Variants in CTNNA2 observed in about 807,000 individuals in gnomAD.
CTNNA2 encodes the protein catenin alpha 2.
A neutral mutation model predicts 101.0 loss-of-function variants in CTNNA2; 42 were observed. The ratio of observed to expected loss-of-function variants is 0.42; its 90% CI spans 0.32 to 0.54. The LOEUF (loss-of-function observed/expected upper bound fraction) is 0.54, where lower values mean the gene tolerates loss of function less well. Ranked by LOEUF, CTNNA2 falls within the 20% of genes least tolerant of loss-of-function variation. The pLI is 0.14. For synonymous variants in CTNNA2, 450 were observed against 456.4 expected, an observed-to-expected ratio of 0.99 and a Z score of 0.18; for missense variants, 871 against 1,223.1, an observed-to-expected ratio of 0.71 and a Z score of 4.29.
intron 3 of CTNNA2, among the ~76,000 whole-genome samples, chr2:79,846,023 C>T (rs1438059338): frequency 1.3e-5 from 2 of 152,150 alleles, no homozygotes; most frequent in Admixed American, 6.5e-5. Context: ...AAGGCTATGC[C>T]ATTTAAATCC....
intron 7 of CTNNA2, among the ~76,000 whole-genome samples, chr2:80,086,091 A>G (rs1175648537): frequency 6.6e-6 from 1 of 152,110 alleles, no homozygotes; most frequent in Non-Finnish European, 1.5e-5. Flanking sequence ...AAGTAATAGA[A>G]GACAATAAGG....
rs138151044 is a variant in CTNNA2, at chr2:79,447,889, G to C, written c.-134-57165G>C. 9.2e-5 allele frequency among the ~76,000 whole-genome samples: 14 copies of C among 152,114 alleles called. No homozygotes were observed. In the East Asian group the frequency reaches 2.3e-3, roughly 25 times the overall value. On this transcript the variant is annotated intron_variant, in intron 4 of 21. Transcript: ENST00000466387. ...TGGCTGCATTGATCTAACTGGAGGA[G>C]GGGCAAGAAGTTAAATATCAGTCCC...
At chr2:80,492,172 G>T (rs1367759504) in intron 9 of CTNNA2, among the ~76,000 whole-genome samples, 1 of 152,182 alleles carries the variant, frequency 6.6e-6, no homozygotes, top group Non-Finnish European at 1.5e-5. Context: ...GTGATATTGA[G>T]TGTATTCTCA....
In CTNNA2 at chr2:79,742,104, C is replaced by T. The variant is rs952110782; in HGVS notation, c.103-2283C>T. 7.9e-5 allele frequency among the ~76,000 whole-genome samples: 12 copies of T among 151,982 alleles called. No homozygotes were observed. The South Asian group carries it at 8.3e-4, about 11-fold the overall frequency. On this transcript the variant is annotated intron_variant, in intron 2 of 18. Coordinates refer to ENST00000402739, the MANE Select transcript of CTNNA2 (RefSeq NM_001282597.3). ...CCTGGTAATGTTCCATGTTTTTCTT[C>T]CCCCCCACAAAACTGACATTTTCTA...
chr2:79,603,607 A>G (rs929537096), intron 1 of CTNNA2, among the ~76,000 whole-genome samples: 2 of 152,210 alleles, frequency 1.3e-5, no homozygotes, highest in South Asian at 2.1e-4. Context: ...AGAACAGGCA[A>G]CTGTCATAGG....
intron 3 of CTNNA2, 79 bp downstream of exon 3, chr2:79,744,661 T>A: frequency 7.6e-7 from 1 of 1,321,238 alleles, no homozygotes; most frequent in Non-Finnish European, 1.0e-6. Context: ...AATCAATGGA[T>A]ATTTACTCAA....
chr2:80,350,803 G>A (rs1161927831), intron 7 of CTNNA2, among the ~76,000 whole-genome samples: 2 of 152,080 alleles, frequency 1.3e-5, no homozygotes, highest in Non-Finnish European at 2.9e-5. Flanking sequence ...ATGAATCGAG[G>A]AATTTGAGAT....
chr2:79,375,802 A>G (rs987318), intron 4 of CTNNA2, among the ~76,000 whole-genome samples: 120,677 of 152,068 alleles, frequency 0.79, 48,150 homozygotes, highest in African/African-American at 0.85. Context: ...CAAAGCCTAC[A>G]ATTTCTTTCA....
chr2:80,317,117 G>T (rs1678205418), intron 7 of CTNNA2, among the ~76,000 whole-genome samples: 1 of 152,104 alleles, frequency 6.6e-6, no homozygotes, highest in Admixed American at 6.5e-5. Context: ...AACCAGACCT[G>T]GTCCAAGAGA....
In CTNNA2 at chr2:79,568,327, C is replaced by T. The variant is rs114503243; in HGVS notation, c.-6+55120C>T. ...TTTATAAAAGTACCTTCAGCCTGGG[C>T]ATGGTGGCTCACACCTGTAATCCCA... On this transcript the variant is annotated intron_variant, in intron 1 of 18. Transcript: ENST00000402739. Among the ~76,000 whole-genome samples the T allele has an allele frequency of 5.9e-3, 898 of 152,280 alleles. 1 individual carries two copies. Among genetic ancestry groups the T allele is most frequent in the African/African-American group, 0.02 (847 of 41,568 alleles).
intron 9 of CTNNA2, among the ~76,000 whole-genome samples, chr2:80,508,129 C>G (rs1043098536): frequency 2.6e-5 from 4 of 152,130 alleles, no homozygotes; most frequent in African/African-American, 7.2e-5. Context: ...TTTACACTTG[C>G]TGGTTAAATG....
In CTNNA2 at chr2:80,398,921, A is replaced by G. The variant is rs750415227; in HGVS notation, c.1137+5630A>G. 7.9e-5 allele frequency among the ~76,000 whole-genome samples: 12 copies of G among 151,602 alleles called. No homozygotes were observed. The South Asian group carries it at 1.3e-3, about 16-fold the overall frequency. On this transcript the variant is annotated intron_variant, in intron 8 of 18. Transcript: ENST00000402739. ...GAAACACCAAAAATTAGAATCAAAAATACCAGGAGGAGCGGAGCAGAGTAG... is the reference window on the plus strand; with the variant it reads ...GAAACACCAAAAATTAGAATCAAAAGTACCAGGAGGAGCGGAGCAGAGTAG...
chr2:80,367,697 A>G (rs946606668), intron 7 of CTNNA2, among the ~76,000 whole-genome samples: 1 of 151,992 alleles, frequency 6.6e-6, no homozygotes, highest in Non-Finnish European at 1.5e-5. Context: ...TAATGGTGTG[A>G]AAAAAATGTT....
At position 79,527,815 on chromosome 2, in the gene CTNNA2, G is replaced by A. The variant is rs545879960; in HGVS notation, c.-6+14608G>A. 2.3e-3 allele frequency among the ~76,000 whole-genome samples: 351 copies of A among 152,262 alleles called. 2 individuals are homozygous for A. The highest frequency in any genetic ancestry group is 6.4e-3 in the Admixed American group (97 of 15,272). On this transcript the variant is annotated intron_variant, in intron 1 of 18. Coordinates refer to ENST00000402739, the MANE Select transcript of CTNNA2 (RefSeq NM_001282597.3). ...TGACCCAACAATTCTATTCTTAGAT[G>A]TGTATTAAGGAGCTGCAAAAACATA...
chr2:80,303,970 C>A lies in CTNNA2; in HGVS notation c.1057-89241C>A. On this transcript the variant is annotated intron_variant, in intron 7 of 18. Coordinates refer to ENST00000402739, the MANE Select transcript of CTNNA2 (RefSeq NM_001282597.3). The surrounding 1 kb of genome is among the most constrained non-coding windows in gnomAD (Gnocchi z 7.7). Reference sequence around the variant, plus strand: ...AAATACATAGAAATAAAGAAGGACCCCCCTCCCCAAAAACCACACGTTCAC... The same window carrying A: ...AAATACATAGAAATAAAGAAGGACCACCCTCCCCAAAAACCACACGTTCAC... 1 of 924,182 alleles carries A rather than the reference C, an allele frequency of 1.1e-6. No individual in the cohort carries two copies. The highest frequency in any genetic ancestry group is 1.5e-6 in the Non-Finnish European group (1 of 656,280). 57.2% of individuals were successfully genotyped at this position (924,182 alleles called of 1,614,324 possible). A position where few individuals can be genotyped will look rare whatever the true frequency, so the allele number is the denominator to read the frequency against.
intron 4 of CTNNA2, among the ~76,000 whole-genome samples, chr2:79,436,571 G>GTTCT (rs1678716885): frequency 6.6e-6 from 1 of 152,018 alleles, no homozygotes; most frequent in Non-Finnish European, 1.5e-5. Flanking sequence ...TCCTCATGAG[G>GTTCT]TTCTAATGTG....
At chr2:79,844,290 A>G (rs932325401) in intron 3 of CTNNA2, among the ~76,000 whole-genome samples, 1 of 152,224 alleles carries the variant, frequency 6.6e-6, no homozygotes, top group Non-Finnish European at 1.5e-5. Flanking sequence ...CTGAAAATAC[A>G]GGAAAAATTG....
intron 1 of CTNNA2, among the ~76,000 whole-genome samples, chr2:79,579,412 A>G (rs1490512411): frequency 1.3e-5 from 2 of 152,104 alleles, no homozygotes; most frequent in African/African-American, 4.8e-5. Context: ...CTGTGTTTAA[A>G]GGGGCTTACA....
At chr2:80,183,434 C>T (rs926622204) in intron 7 of CTNNA2, among the ~76,000 whole-genome samples, 1 of 152,118 alleles carries the variant, frequency 6.6e-6, no homozygotes, top group Non-Finnish European at 1.5e-5. Flanking sequence ...GCAAGCAAAC[C>T]AAAACCACAA....
Sources: gnomAD v4.1 joint callset for allele counts (sites outside exome capture counted in the v4.1 genomes callset) on GRCh38, gnomAD v4.1.1 for gene constraint, Gnocchi (gnomAD v3.1) non-coding constraint, MANE v1.5 for transcripts, NCBI Gene and HGNC (gene_info 2026-07-23, HGNC 2026-07-21) for gene names.